The following EPHA4 variants were observed in gnomAD, a reference collection of about 807,000 sequenced individuals.
EPHA4 encodes EPH receptor A4, also known as ephrin type-A receptor 4.
In EPHA4, 19 loss-of-function variants were observed where a neutral mutation model predicts 108.3. The ratio of observed to expected loss-of-function variants is 0.18; its 90% confidence interval spans 0.12 to 0.26. EPHA4 has a LOEUF of 0.26. Ranked by LOEUF, EPHA4 falls within the 10% of genes least tolerant of loss-of-function variation. The probability of loss-of-function intolerance (pLI) is 1.00; values close to 1 mark genes in which losing one functional copy is unlikely to be tolerated. For missense variants in EPHA4, 917 were observed against 1,254.0 expected, an observed-to-expected ratio of 0.73 and a Z score of 4.06; for synonymous variants, 449 against 455.5, an observed-to-expected ratio of 0.99 and a Z score of 0.18.
chr2:221,450,831 C>A (rs1409070373), intron 8 of EPHA4, among the ~76,000 whole-genome samples: 1 of 152,132 alleles, frequency 6.6e-6, no homozygotes, highest in African/African-American at 2.4e-5. Flanking sequence ...TAATACTTTC[C>A]CTCACTACCA....
chr2:221,508,263 G>A (rs1183812451), intron 3 of EPHA4, among the ~76,000 whole-genome samples: 1 of 152,156 alleles, frequency 6.6e-6, no homozygotes, highest in Non-Finnish European at 1.5e-5. Context: ...TTTTGGAGTG[G>A]GGAGAGGGCA....
At chr2:221,457,788 A>C (rs1285478637) in intron 6 of EPHA4, 78 bp downstream of exon 6, 1 of 1,480,040 alleles carries the variant, frequency 6.8e-7, no homozygotes. Flanking sequence ...GAGGGAGGGA[A>C]GGAGAAAGGA....
intron 3 of EPHA4, among the ~76,000 whole-genome samples, chr2:221,531,181 G>T (rs957286659): frequency 4.6e-5 from 7 of 152,158 alleles, no homozygotes; most frequent in Admixed American, 3.3e-4. Context: ...GCAGAATTAG[G>T]TTAAACTTTC....
chr2:221,456,172 T>TTA (rs749662249), intron 7 of EPHA4, among the ~76,000 whole-genome samples: 1 of 140,650 alleles, frequency 7.1e-6, no homozygotes, highest in Non-Finnish European at 1.6e-5. Context: ...AAAGGGTCTT[T>TTA]AAAAAAAAAA....
At chr2:221,440,249 T>C (rs1690377125) in intron 11 of EPHA4, among the ~76,000 whole-genome samples, 1 of 152,186 alleles carries the variant, frequency 6.6e-6, no homozygotes, top group African/African-American at 2.4e-5. Context: ...CATCCAGTCG[T>C]TTATAACAGT....
At chr2:221,468,727 C>T (rs1235515424) in intron 5 of EPHA4, among the ~76,000 whole-genome samples, 1 of 152,200 alleles carries the variant, frequency 6.6e-6, no homozygotes, top group Non-Finnish European at 1.5e-5. Context: ...AAAGCCTGCT[C>T]CAGAAACTTG....
intron 3 of EPHA4, among the ~76,000 whole-genome samples, chr2:221,502,723 G>A (rs1027306436): frequency 6.6e-5 from 10 of 152,086 alleles, no homozygotes; most frequent in African/African-American, 2.4e-4. Flanking sequence ...AATTTAGCAG[G>A]GGCTCAGGAA....
In EPHA4 at chr2:221,429,993, G is replaced by C; in HGVS notation, c.2655C>G (p.Pro885=). The C allele has an allele frequency of 6.2e-7, 1 of 1,614,058 alleles. No individual in the cohort carries two copies. The highest frequency in any genetic ancestry group is 2.2e-5 in the East Asian group (1 of 44,866). ...VNMLDKLIRN[P]NSLKRTGTES... is the part of the protein sequence containing the mutation. ...CCGTCCCTGTCCTCTTCAAGCTGTT[G>C]GGGTTGCGGATGAGTTTGTCCAACA... The change falls in exon 15 of 18, where the codon CCC becomes CCG. Residue 885 remains proline, a synonymous_variant. Transcript: ENST00000281821.
Position 221,439,262 on chromosome 2 carries a change from A to G in EPHA4, c.2075-2140T>C, listed in dbSNP as rs1330726454. ...GGGTGTGTCTGCACATTCTCTATCA[A>G]TACAAATAGGAAATGCTTAGTTCTC... On this transcript the variant is annotated intron_variant, in intron 11 of 17. Transcript: ENST00000281821. Among the ~76,000 whole-genome samples the G allele has an allele frequency of 2.0e-5, 3 of 151,970 alleles. 1 individual carries two copies. Among genetic ancestry groups the G allele is most frequent in the South Asian group, 4.2e-4 (2 of 4,814 alleles).
intron 3 of EPHA4, among the ~76,000 whole-genome samples, chr2:221,507,080 C>T (rs1285779156): frequency 1.3e-5 from 2 of 152,060 alleles, no homozygotes; most frequent in Non-Finnish European, 2.9e-5. Context: ...CCAGATTTTG[C>T]CCATGGGTCA....
intron 17 of EPHA4, among the ~76,000 whole-genome samples, chr2:221,422,868 CAAT>C (rs937658972): frequency 2.6e-5 from 4 of 152,156 alleles, no homozygotes; most frequent in African/African-American, 9.7e-5. Context: ...CATTACAAAA[CAAT>C]AATTTTATAA....
chr2:221,500,882 T>C, intron 4 of EPHA4, 135 bp downstream of exon 4: 4 of 1,033,536 alleles, frequency 3.9e-6, no homozygotes, highest in Non-Finnish European at 4.1e-6. Context: ...TCCCCTGCTA[T>C]GATTGAGAAA....
chr2:221,475,513 A>G (rs967324380), intron 5 of EPHA4, among the ~76,000 whole-genome samples: 2 of 152,204 alleles, frequency 1.3e-5, no homozygotes, highest in African/African-American at 2.4e-5. Context: ...TAGCTTCTCA[A>G]CCTTGTTCTT....
intron 17 of EPHA4, among the ~76,000 whole-genome samples, chr2:221,421,201 G>A (rs762899425): frequency 3.0e-4 from 46 of 152,038 alleles, no homozygotes; most frequent in Non-Finnish European, 6.0e-4. Flanking sequence ...GGAGGCTGAG[G>A]CAGGAGGAGA....
At chr2:221,528,698 G>A (rs949058277) in intron 3 of EPHA4, among the ~76,000 whole-genome samples, 2 of 152,138 alleles carry the variant, frequency 1.3e-5, no homozygotes, top group African/African-American at 2.4e-5. Flanking sequence ...AGCAGAAACT[G>A]GCTTTTCTGA....
At chr2:221,563,271 G>T (rs1341800160) in intron 3 of EPHA4, among the ~76,000 whole-genome samples, 3 of 152,138 alleles carry the variant, frequency 2.0e-5, no homozygotes, top group African/African-American at 7.2e-5. Context: ...CAGTGGGAGG[G>T]AACTGGAACA....
chr2:221,556,165 A>T (rs1694295232), intron 3 of EPHA4, among the ~76,000 whole-genome samples: 1 of 152,254 alleles, frequency 6.6e-6, no homozygotes. Flanking sequence ...TGAAAAATAA[A>T]TTTTTAAATT....
intron 14 of EPHA4, 67 bp from the exon 15 acceptor site, chr2:221,430,218 G>A (rs144934003): frequency 1.2e-4 from 184 of 1,483,754 alleles, no homozygotes; most frequent in African/African-American, 9.0e-4. Context: ...TCACCCTTCC[G>A]ACTGGCATGT....
intron 7 of EPHA4, among the ~76,000 whole-genome samples, chr2:221,456,002 T>C (rs73994259): frequency 6.6e-6 from 1 of 152,194 alleles, no homozygotes; most frequent in Non-Finnish European, 1.5e-5. Flanking sequence ...CAAAAATCTA[T>C]CATCTTTTTA....
Sources: gnomAD v4.1 joint callset for allele counts (sites outside exome capture counted in the v4.1 genomes callset) on GRCh38, gnomAD v4.1.1 for gene constraint, MANE v1.5 for transcripts, NCBI Gene and HGNC (gene_info 2026-07-23, HGNC 2026-07-21) for gene names.